The following MYO5B variants were observed in gnomAD, a reference collection of about 807,000 sequenced individuals.
MYO5B encodes myosin VB, also known as unconventional myosin-Vb.
In MYO5B, 143 loss-of-function variants were observed where a neutral mutation model predicts 229.3. That is an observed-to-expected ratio of 0.62 (90% confidence interval 0.54 to 0.72). The LOEUF (loss-of-function observed/expected upper bound fraction) is 0.72, where lower values mean the gene tolerates loss of function less well. Ranked by LOEUF, MYO5B falls within the 30% of genes least tolerant of loss-of-function variation. The pLI is 0.00. For synonymous variants in MYO5B, 918 were observed against 885.2 expected (o/e 1.04, Z -0.66); for missense variants, 2,321 against 2,331.0 (o/e 1.00, Z 0.09).
At chr18:50,044,673 G>C (rs954609387) in intron 2 of MYO5B, among the ~76,000 whole-genome samples, 8 of 152,130 alleles carry the variant, frequency 5.3e-5, no homozygotes, top group Non-Finnish European at 1.0e-4. Context: ...GGCTATTTCA[G>C]TGAAATTAAT....
chr18:49,841,272 A>G, intron 35 of MYO5B, 93 bp downstream of exon 35: 1 of 1,212,678 alleles, frequency 8.2e-7, no homozygotes, highest in Non-Finnish European at 1.2e-6. Context: ...GGTGCTCCAA[A>G]GACCCCACTG....
intron 1 of MYO5B, among the ~76,000 whole-genome samples, chr18:50,152,942 G>C (rs577122195): frequency 1.4e-5 from 2 of 147,868 alleles, no homozygotes; most frequent in East Asian, 4.0e-4. Flanking sequence ...TTCTATAATA[G>C]ATTCCACCCT....
intron 1 of MYO5B, among the ~76,000 whole-genome samples, chr18:50,122,635 GAGAGAGAGAGA>G (rs1478529122): frequency 6.6e-4 from 4 of 6,102 alleles, no homozygotes; most frequent in African/African-American, 3.5e-3. Context: ...AAGGGGGGGG[GAGAGAGAGAGA>G]GAGAGAGAGA....
chr18:50,113,909 C>A (rs1456192030), intron 1 of MYO5B, among the ~76,000 whole-genome samples: 1 of 152,212 alleles, frequency 6.6e-6, no homozygotes, highest in Non-Finnish European at 1.5e-5. Flanking sequence ...AAAGAGAACA[C>A]ACAATTAACT....
At chr18:49,974,798 G>GACACACATACACACACACACACAC (rs1460518712) in intron 9 of MYO5B, among the ~76,000 whole-genome samples, 183 bp from the exon 10 acceptor site, 1 of 130,996 alleles carries the variant, frequency 7.6e-6, no homozygotes, top group African/African-American at 2.8e-5. Flanking sequence ...CACACACACA[G>GACACACATACACACACACACACAC]ACACACACAC....
intron 1 of MYO5B, 106 bp downstream of exon 1, chr18:50,194,661 G>A (rs1245253659): frequency 5.2e-6 from 4 of 769,596 alleles, no homozygotes; most frequent in Non-Finnish European, 4.1e-6. Context: ...GGGGTCTCCC[G>A]TCACCTCCCG....
chr18:50,014,059 C>G (rs939570630), intron 4 of MYO5B, among the ~76,000 whole-genome samples: 2 of 152,164 alleles, frequency 1.3e-5, no homozygotes, highest in Admixed American at 6.5e-5. Context: ...ATTTCTCTAG[C>G]TTCTTCCTTC....
intron 4 of MYO5B, among the ~76,000 whole-genome samples, chr18:50,009,419 A>AT (rs774719024): frequency 1.3e-5 from 2 of 152,194 alleles, no homozygotes; most frequent in Non-Finnish European, 2.9e-5. Context: ...TATTTTCATG[A>AT]TAAATTCAAA....
intron 12 of MYO5B, among the ~76,000 whole-genome samples, chr18:49,959,061 C>A (rs940166726): frequency 7.2e-5 from 11 of 152,140 alleles, no homozygotes; most frequent in African/African-American, 2.7e-4. Context: ...ACCTTACCTG[C>A]CCCCACCAGG....
intron 22 of MYO5B, among the ~76,000 whole-genome samples, chr18:49,890,779 T>C (rs1427269323): frequency 6.6e-6 from 1 of 152,204 alleles, no homozygotes; most frequent in African/African-American, 2.4e-5. Flanking sequence ...GGACAATACC[T>C]TTAATTCTGC....
chr18:49,980,579 C>T (rs757357872), intron 8 of MYO5B, 26 bp from the exon 9 acceptor site: 18 of 1,459,470 alleles, frequency 1.2e-5, no homozygotes, highest in Non-Finnish European at 1.7e-5. Flanking sequence ...GAATGGATGA[C>T]ACTCAGTATC....
At chr18:49,991,188 G>A (rs965820444) in intron 6 of MYO5B, among the ~76,000 whole-genome samples, 2 of 152,188 alleles carry the variant, frequency 1.3e-5, no homozygotes, top group Non-Finnish European at 2.9e-5. Context: ...AGGATGGGGG[G>A]ATTATCAAGC....
intron 1 of MYO5B, among the ~76,000 whole-genome samples, chr18:50,086,226 G>A (rs983685647): frequency 6.6e-6 from 1 of 151,986 alleles, no homozygotes; most frequent in Non-Finnish European, 1.5e-5. Context: ...TTACTGTTGA[G>A]AGTTCCTTCC....
intron 1 of MYO5B, among the ~76,000 whole-genome samples, chr18:50,106,569 TC>T (rs2031764125): frequency 6.6e-6 from 1 of 152,180 alleles, no homozygotes; most frequent in African/African-American, 2.4e-5. Flanking sequence ...CTTTACAGTA[TC>T]CTCCCTGTGC....
chr18:50,040,048 G>T (rs1161783575), intron 3 of MYO5B, 95 bp downstream of exon 3: 1 of 1,318,802 alleles, frequency 7.6e-7, no homozygotes, highest in Non-Finnish European at 1.1e-6. Context: ...ACAAATGAGA[G>T]AGTGAAATGA....
At chr18:49,993,650 A>T (rs1039611706) in intron 5 of MYO5B, among the ~76,000 whole-genome samples, 1 of 152,126 alleles carries the variant, frequency 6.6e-6, no homozygotes, top group African/African-American at 2.4e-5. Flanking sequence ...CCAAGTTCCA[A>T]ACGGGTCAAA....
chr18:49,827,261 C>T (rs1417200979), intron 39 of MYO5B, among the ~76,000 whole-genome samples: 2 of 152,256 alleles, frequency 1.3e-5, no homozygotes, highest in Non-Finnish European at 2.9e-5. Context: ...CTACTATCCC[C>T]CTCTCTTCAG....
chr18:50,138,241 A>G (rs1021101878), intron 1 of MYO5B, among the ~76,000 whole-genome samples: 1 of 152,272 alleles, frequency 6.6e-6, no homozygotes, highest in African/African-American at 2.4e-5. Flanking sequence ...AAATGTAGTT[A>G]GAAGTGTGCT....
rs1436772406 is a variant in MYO5B, at chr18:49,875,706, T to TGCTGTTCTCTCTTCTCCA, written c.3500_3517dup (p.Leu1167_Gln1172dup). Reference sequence around the variant, plus strand: ...ACGTACCTGGACTTTCTTGCTGTCCTGCTGTTCTCTCTTCTCCAGCTGCAC... The same window carrying TGCTGTTCTCTCTTCTCCA: ...ACGTACCTGGACTTTCTTGCTGTCCTGCTGTTCTCTCTTCTCCAGCTGTTCTCTCTTCTCCAGCTGCAC... On this transcript the variant is annotated inframe_insertion, in exon 26 of 40. Coordinates refer to ENST00000285039, the MANE Select transcript of MYO5B (RefSeq NM_001080467.3). 5 of 1,614,074 alleles carry TGCTGTTCTCTCTTCTCCA rather than the reference T, an allele frequency of 3.1e-6. No homozygotes were observed. Among genetic ancestry groups the TGCTGTTCTCTCTTCTCCA allele is most frequent in the Non-Finnish European group, 4.2e-6 (5 of 1,180,022 alleles).
Sources: gnomAD v4.1 joint callset for allele counts (sites outside exome capture counted in the v4.1 genomes callset) on GRCh38, gnomAD v4.1.1 for gene constraint, MANE v1.5 for transcripts, NCBI Gene and HGNC (gene_info 2026-07-23, HGNC 2026-07-21) for gene names.